Variants in CCDC172 observed in about 807,000 individuals in gnomAD.
CCDC172 encodes coiled-coil domain containing 172.
CCDC172 carries 30 observed loss-of-function variants against 38.0 expected under a neutral mutation model. The ratio of observed to expected loss-of-function variants is 0.79; its 90% CI spans 0.59 to 1.07. The LOEUF is 1.07. Among genes scored for constraint, CCDC172 ranks in the 50% least tolerant of loss-of-function variants. CCDC172 has a pLI of 0.00. For synonymous variants in CCDC172, 78 were observed against 88.3 expected (o/e 0.88, Z 0.66); for missense variants, 297 against 290.1 (o/e 1.02, Z -0.17).
intron 7 of CCDC172, among the ~76,000 whole-genome samples, chr10:116,366,642 C>A (rs915292617): frequency 5.9e-5 from 9 of 152,186 alleles, no homozygotes; most frequent in African/African-American, 2.2e-4. Context: ...ACCAGCAGTG[C>A]TGCTGGTGCA....
At position 116,357,460 on chromosome 10, in the gene CCDC172, A is replaced by G. The variant is rs1845012836; in HGVS notation, c.529A>G (p.Thr177Ala). ...GAGTGAATTGATACAAGAATTATTT[A>G]CTCTCCAAAGAAAACTTAAAGGTAT... ...QKSELIQELF[T>A]LQRKLKVFED... The change falls in exon 6 of 9, where the codon ACT becomes GCT. Residue 177 changes from threonine to alanine, a missense_variant. Transcript: ENST00000333254. 1 of 1,573,632 alleles carries G rather than the reference A, an allele frequency of 6.4e-7. No homozygotes were observed. The highest frequency in any genetic ancestry group is 8.6e-7 in the Non-Finnish European group (1 of 1,162,118).
intron 5 of CCDC172, among the ~76,000 whole-genome samples, chr10:116,354,916 C>A (rs1844976642): frequency 6.6e-6 from 1 of 151,772 alleles, no homozygotes; most frequent in African/African-American, 2.4e-5. Context: ...TCGTTTTTTA[C>A]AAAAAAAGTT....
At chr10:116,337,865 T>A (rs978132750) in intron 3 of CCDC172, among the ~76,000 whole-genome samples, 3 of 152,212 alleles carry the variant, frequency 2.0e-5, no homozygotes, top group African/African-American at 7.2e-5. Flanking sequence ...TTCGAATATT[T>A]ACTTAAATTT....
intron 3 of CCDC172, among the ~76,000 whole-genome samples, chr10:116,333,171 C>A (rs1156822115): frequency 2.0e-5 from 3 of 151,864 alleles, no homozygotes; most frequent in Non-Finnish European, 4.4e-5. Flanking sequence ...TTCTCTTTAT[C>A]TCTTCTGTTA....
At chr10:116,345,694 GA>G (rs1433862879) in intron 5 of CCDC172, among the ~76,000 whole-genome samples, 7 of 151,968 alleles carry the variant, frequency 4.6e-5, no homozygotes, top group African/African-American at 9.7e-5. Context: ...ATGAACATGT[GA>G]AAAGATACTC....
At chr10:116,372,016 C>G (rs1306436156) in intron 7 of CCDC172, among the ~76,000 whole-genome samples, 1 of 152,044 alleles carries the variant, frequency 6.6e-6, no homozygotes, top group Non-Finnish European at 1.5e-5. Context: ...CCTTAGGCAC[C>G]CTTTTTCCTT....
chr10:116,357,513 G>A, intron 6 of CCDC172, 32 bp downstream of exon 6: 2 of 1,449,402 alleles, frequency 1.4e-6, no homozygotes, highest in Non-Finnish European at 1.9e-6. Context: ...TTATTTTGCT[G>A]ATAAATATAG....
intron 3 of CCDC172, among the ~76,000 whole-genome samples, chr10:116,339,630 C>A (rs1285321823): frequency 6.6e-6 from 1 of 151,700 alleles, no homozygotes; most frequent in Non-Finnish European, 1.5e-5. Flanking sequence ...GAAAACAGTA[C>A]CAAGTACTGA....
chr10:116,352,475 G>C (rs183759661), intron 5 of CCDC172, among the ~76,000 whole-genome samples: 71 of 152,224 alleles, frequency 4.7e-4, no homozygotes, highest in African/African-American at 1.6e-3. Flanking sequence ...AATATTCTAA[G>C]TATACTCAAG....
chr10:116,354,574 A>C (rs1844970948), intron 5 of CCDC172, among the ~76,000 whole-genome samples: 1 of 152,002 alleles, frequency 6.6e-6, no homozygotes, highest in Non-Finnish European at 1.5e-5. Flanking sequence ...AATACAAAAA[A>C]TTAGCCGGGC....
At chr10:116,356,991 A>G (rs1275031827) in intron 5 of CCDC172, among the ~76,000 whole-genome samples, 3 of 152,168 alleles carry the variant, frequency 2.0e-5, no homozygotes, top group Non-Finnish European at 4.4e-5. Flanking sequence ...AATTAACCGT[A>G]TGCTGCTTAG....
intron 7 of CCDC172, among the ~76,000 whole-genome samples, chr10:116,361,408 C>T (rs1042570880): frequency 6.6e-6 from 1 of 152,110 alleles, no homozygotes; most frequent in African/African-American, 2.4e-5. Context: ...AATTTTCTTT[C>T]ACCACAAAAC....
At chr10:116,377,316 A>G (rs762096274) in intron 7 of CCDC172, among the ~76,000 whole-genome samples, 5 of 152,022 alleles carry the variant, frequency 3.3e-5, no homozygotes, top group Non-Finnish European at 4.4e-5. Flanking sequence ...TGAATCTCCT[A>G]TTTTTTGGGA....
chr10:116,364,579 A>T (rs1246316914), intron 7 of CCDC172, among the ~76,000 whole-genome samples: 1 of 152,176 alleles, frequency 6.6e-6, no homozygotes, highest in African/African-American at 2.4e-5. Flanking sequence ...TTAATTAGTG[A>T]TGTAACCACT....
chr10:116,353,862 A>G (rs945478076), intron 5 of CCDC172, among the ~76,000 whole-genome samples: 1 of 152,264 alleles, frequency 6.6e-6, no homozygotes, highest in Non-Finnish European at 1.5e-5. Flanking sequence ...AAAGGTGGAC[A>G]GCAATAGTGT....
chr10:116,335,406 G>C (rs1004769121), intron 3 of CCDC172, among the ~76,000 whole-genome samples: 23 of 139,422 alleles, frequency 1.6e-4, no homozygotes, highest in African/African-American at 6.1e-4. Context: ...AAATATATTA[G>C]CTTTAAAATA....
intron 3 of CCDC172, among the ~76,000 whole-genome samples, chr10:116,326,662 A>T (rs1339230723): frequency 6.6e-6 from 1 of 152,146 alleles, no homozygotes; most frequent in African/African-American, 2.4e-5. Flanking sequence ...TTAAACAATG[A>T]TACATACTTG....
intron 5 of CCDC172, among the ~76,000 whole-genome samples, chr10:116,350,495 T>A (rs1426369046): frequency 2.0e-5 from 3 of 152,222 alleles, no homozygotes; most frequent in African/African-American, 4.8e-5. Flanking sequence ...GAATAATTGA[T>A]ATTCAATATA....
intron 5 of CCDC172, among the ~76,000 whole-genome samples, chr10:116,352,646 C>A: frequency 1.3e-5 from 2 of 151,780 alleles, no homozygotes; most frequent in Non-Finnish European, 2.9e-5. Flanking sequence ...ATAGAAAAAC[C>A]CACAGCTAAT....
Sources: allele counts gnomAD v4.1 joint callset (sites outside exome capture counted in the v4.1 genomes callset), GRCh38; gene constraint gnomAD v4.1.1; transcripts MANE v1.5; gene names NCBI Gene and HGNC (gene_info 2026-07-23, HGNC 2026-07-21).